The following NKAIN2 variants were observed in gnomAD, a reference collection of about 807,000 sequenced individuals.
The protein encoded by NKAIN2 is sodium/potassium transporting ATPase interacting 2.
A neutral mutation model predicts 32.6 loss-of-function variants in NKAIN2; 14 were observed. The ratio of observed to expected loss-of-function variants is 0.43; its 90% confidence interval spans 0.28 to 0.67. The LOEUF (loss-of-function observed/expected upper bound fraction) is 0.67, where lower values mean the gene tolerates loss of function less well. Ranked by LOEUF, NKAIN2 falls within the 30% of genes least tolerant of loss-of-function variation. The pLI is 0.17. For missense variants in NKAIN2, 198 were observed against 258.3 expected, an observed-to-expected ratio of 0.77 and a Z score of 1.60; for synonymous variants, 80 against 87.2, an observed-to-expected ratio of 0.92 and a Z score of 0.46.
intron 3 of NKAIN2, among the ~76,000 whole-genome samples, chr6:124,385,339 C>A (rs1772849015): frequency 1.3e-5 from 2 of 152,054 alleles, no homozygotes. Flanking sequence ...GCAGCCCTCT[C>A]ATAATTTCTT....
chr6:124,356,880 G>T (rs1393673681), intron 3 of NKAIN2, among the ~76,000 whole-genome samples: 1 of 152,148 alleles, frequency 6.6e-6, no homozygotes, highest in Non-Finnish European at 1.5e-5. Flanking sequence ...TAAGGCAGGT[G>T]TTCAGACATA....
chr6:123,920,461 C>T (rs12199723), intron 1 of NKAIN2, among the ~76,000 whole-genome samples: 41,412 of 151,728 alleles, frequency 0.27, 6,829 homozygotes, highest in Middle Eastern at 0.39. Context: ...TTCAGAAGCA[C>T]AAAAACCTAG....
At chr6:124,796,782 A>C (rs1297857826) in intron 5 of NKAIN2, among the ~76,000 whole-genome samples, 2 of 152,184 alleles carry the variant, frequency 1.3e-5, no homozygotes, top group Non-Finnish European at 2.9e-5. Flanking sequence ...ATGAAAAGGC[A>C]GTGATACATC....
At position 124,477,626 on chromosome 6, in the gene NKAIN2, C is replaced by G. The variant is rs566719553; in HGVS notation, c.273+122279C>G. Among the ~76,000 whole-genome samples the G allele has an allele frequency of 2.3e-3, 348 of 151,290 alleles. 2 individuals carry two copies. The highest frequency in any genetic ancestry group is 8.3e-3 in the African/African-American group (342 of 41,198). On this transcript the variant is annotated intron_variant, in intron 3 of 6. Transcript: ENST00000368417. ...TTTCTCTCTTCTTCTTCCTTTTCTT[C>G]TTTTTCTTCTTCTTCTCCTCCCACT...
At chr6:123,807,746 G>A (rs59854218) in intron 1 of NKAIN2, among the ~76,000 whole-genome samples, 1 of 152,170 alleles carries the variant, frequency 6.6e-6, no homozygotes, top group South Asian at 2.1e-4. Context: ...TTGTACTTTA[G>A]ACTTCTGGGT....
chr6:124,492,696 T>G (rs1006692110), intron 3 of NKAIN2, among the ~76,000 whole-genome samples: 1 of 152,032 alleles, frequency 6.6e-6, no homozygotes, highest in Non-Finnish European at 1.5e-5. Flanking sequence ...CAATAGATTT[T>G]CCTTACAAAC....
At chr6:124,197,428 TG>T (rs1385047010) in intron 1 of NKAIN2, among the ~76,000 whole-genome samples, 12 of 152,156 alleles carry the variant, frequency 7.9e-5, no homozygotes, top group African/African-American at 2.7e-4. Context: ...GTTATTTGGT[TG>T]TATTATGACT....
intron 1 of NKAIN2, among the ~76,000 whole-genome samples, chr6:124,271,513 G>A (rs1256361545): frequency 2.0e-5 from 3 of 152,158 alleles, no homozygotes; most frequent in Non-Finnish European, 1.5e-5. Flanking sequence ...ACCATACCCG[G>A]CCTAAACCTC....
intron 1 of NKAIN2, among the ~76,000 whole-genome samples, chr6:124,014,127 G>A (rs1373298203): frequency 6.6e-6 from 1 of 152,028 alleles, no homozygotes; most frequent in Non-Finnish European, 1.5e-5. Flanking sequence ...CATTAAACAA[G>A]CAATGTTTTC....
intron 1 of NKAIN2, among the ~76,000 whole-genome samples, chr6:124,021,299 A>G (rs568822825): frequency 6.6e-6 from 1 of 152,206 alleles, no homozygotes; most frequent in Non-Finnish European, 1.5e-5. Flanking sequence ...ATTTTTTTAC[A>G]TAAGAACACT....
At chr6:123,920,001 A>T (rs1199632460) in intron 1 of NKAIN2, among the ~76,000 whole-genome samples, 1 of 152,162 alleles carries the variant, frequency 6.6e-6, no homozygotes, top group Non-Finnish European at 1.5e-5. Flanking sequence ...AGAGTAAAAG[A>T]AACAGATATG....
At chr6:124,483,015 G>A (rs1255478430) in intron 3 of NKAIN2, among the ~76,000 whole-genome samples, 4 of 152,050 alleles carry the variant, frequency 2.6e-5, no homozygotes, top group Non-Finnish European at 5.9e-5. Context: ...CCAGCTACTC[G>A]GGAGGCTGAG....
chr6:124,596,549 T>C (rs1782093940), intron 3 of NKAIN2, among the ~76,000 whole-genome samples: 1 of 152,020 alleles, frequency 6.6e-6, no homozygotes, highest in African/African-American at 2.4e-5. Flanking sequence ...AACAGATCAA[T>C]AGAGGGCACA....
intron 1 of NKAIN2, among the ~76,000 whole-genome samples, chr6:123,835,703 T>G (rs1774589213): frequency 6.6e-6 from 1 of 152,220 alleles, no homozygotes; most frequent in Admixed American, 6.5e-5. Flanking sequence ...GCACCTCTTC[T>G]CTTCAAAACA....
At chr6:124,317,164 C>G (rs145005867) in intron 2 of NKAIN2, among the ~76,000 whole-genome samples, 1,961 of 152,164 alleles carry the variant, frequency 0.013, 23 homozygotes, top group Middle Eastern at 0.034. Flanking sequence ...CTGCTGGGCT[C>G]TTGAGATGGT....
rs575128464 is a variant in NKAIN2 at position 124,803,564 on chromosome 6, C to G, written c.535+12165C>G. On this transcript the variant is annotated intron_variant, in intron 5 of 6. Coordinates refer to ENST00000368417, the MANE Select transcript of NKAIN2 (RefSeq NM_001040214.3). ...ATTCAGTTCTATGTAATTTTTTAAA[C>G]ATTTAACTTATTTTTTTCTACAGTA... Among the ~76,000 whole-genome samples the G allele has an allele frequency of 8.5e-5, 13 of 152,246 alleles. No individual in the cohort carries two copies. In the South Asian group the frequency reaches 1.9e-3, roughly 22 times the overall value.
At chr6:124,102,319 A>G (rs1194737199) in intron 1 of NKAIN2, among the ~76,000 whole-genome samples, 3 of 152,336 alleles carry the variant, frequency 2.0e-5, no homozygotes, top group East Asian at 1.9e-4. Flanking sequence ...TGGGTTTGCC[A>G]TTCTGACTTC....
chr6:124,439,687 T>C (rs542935383), intron 3 of NKAIN2, among the ~76,000 whole-genome samples: 44 of 152,046 alleles, frequency 2.9e-4, no homozygotes, highest in African/African-American at 1.0e-3. Flanking sequence ...ATGTATATAC[T>C]ACAACAAAAA....
At chr6:124,164,884 T>C (rs796949059) in intron 1 of NKAIN2, among the ~76,000 whole-genome samples, 25 of 152,204 alleles carry the variant, frequency 1.6e-4, no homozygotes, top group African/African-American at 5.8e-4. Context: ...ATGCTTACAT[T>C]GGTACAAGTA....
Sources: gnomAD v4.1 joint callset for allele counts (sites outside exome capture counted in the v4.1 genomes callset) on GRCh38, gnomAD v4.1.1 for gene constraint, MANE v1.5 for transcripts, NCBI Gene and HGNC (gene_info 2026-07-23, HGNC 2026-07-21) for gene names.